Variants in NUP188 observed in about 807,000 individuals in gnomAD.
The protein encoded by NUP188 is nucleoporin NUP188.
A neutral mutation model predicts 223.0 loss-of-function variants in NUP188; 97 were observed. The ratio of observed to expected loss-of-function variants is 0.43; its 90% CI spans 0.37 to 0.51. The LOEUF is 0.51. Ranked by LOEUF, NUP188 falls within the 20% of genes least tolerant of loss-of-function variation. NUP188 has a pLI of 0.00. For synonymous variants in NUP188, 869 were observed against 828.0 expected (o/e 1.05, Z -0.85); for missense variants, 1,947 against 2,175.6 (o/e 0.89, Z 2.09).
At chr9:128,958,928 A>G (rs368126168) in intron 7 of NUP188, 34 bp downstream of exon 7, 314 of 1,453,426 alleles carry the variant, frequency 2.2e-4, no homozygotes, top group Non-Finnish European at 2.7e-4. Context: ...TTCTCTTTAT[A>G]CTGTATCATC....
Position 128,993,389 on chromosome 9 carries a change from A to G in NUP188, c.2833A>G (p.Ser945Gly). The part of the protein sequence containing the change: ...LFLNLEVKDG[S>G]DGSKEFSLGM... ...TCTGAACCTGGAAGTTAAGGATGGC[A>G]GTGATGGCTCAAAGGTAAGCCTGTA... Residue 945 changes from serine to glycine, a missense_variant, in exon 26 of 44, where the codon AGT becomes GGT. By Grantham distance (56) the Ser-to-Gly change is moderately conservative (BLOSUM62 0). This residue lies in a region of NUP188 where 225 missense variants were observed against 319.1 expected (regional missense o/e 0.71). Transcript: ENST00000372577. The G allele has an allele frequency of 6.2e-7, 1 of 1,614,214 alleles. No individual in the cohort carries two copies.
At chr9:129,005,029 A>AAGGGGAGCAGGAGGGAAGGAGGGAGAGG in intron 38 of NUP188, 118 bp from the exon 39 acceptor site, 2 of 719,220 alleles carry the variant, frequency 2.8e-6, no homozygotes, top group South Asian at 1.6e-5. Flanking sequence ...GGAGGGAGAG[A>AAGGGGAGCAGGAGGGAAGGAGGGAGAGG]AGAGCAGCAG....
At chr9:128,981,916 A>G (rs1256750249) in intron 15 of NUP188, among the ~76,000 whole-genome samples, 2 of 152,044 alleles carry the variant, frequency 1.3e-5, no homozygotes, top group African/African-American at 4.8e-5. Context: ...CGTCTCTACT[A>G]AAAATATAAA....
intron 8 of NUP188, among the ~76,000 whole-genome samples, chr9:128,964,953 G>A (rs529111775): frequency 1.8e-3 from 278 of 151,822 alleles, no homozygotes; most frequent in African/African-American, 6.5e-3. Context: ...TCATCCACCC[G>A]TCTCGGCCTC....
intron 8 of NUP188, among the ~76,000 whole-genome samples, chr9:128,966,424 T>C (rs888637972): frequency 2.6e-5 from 4 of 151,940 alleles, no homozygotes; most frequent in Non-Finnish European, 4.4e-5. Context: ...TTGCCCAGGC[T>C]GGAGTTTAGT....
chr9:128,972,243 A>G (rs1178166447), intron 11 of NUP188, among the ~76,000 whole-genome samples: 1 of 152,250 alleles, frequency 6.6e-6, no homozygotes, highest in East Asian at 1.9e-4. Flanking sequence ...GTACATCTAG[A>G]TGATGGAATA....
intron 1 of NUP188, 183 bp downstream of exon 1, chr9:128,947,934 A>C: frequency 2.3e-6 from 1 of 434,456 alleles, no homozygotes; most frequent in Non-Finnish European, 3.9e-6. Flanking sequence ...GGATCTGAAG[A>C]GTCTTCTTCA....
At chr9:129,001,306 G>T (rs979144922) in intron 34 of NUP188, among the ~76,000 whole-genome samples, 1 of 152,078 alleles carries the variant, frequency 6.6e-6, no homozygotes, top group African/African-American at 2.4e-5. Flanking sequence ...GCTCTGGTCA[G>T]TTTAGGGTTG....
chr9:128,970,417 A>G (rs1307183407), intron 10 of NUP188, among the ~76,000 whole-genome samples: 2 of 152,206 alleles, frequency 1.3e-5, no homozygotes, highest in Non-Finnish European at 2.9e-5. Context: ...GGAAAGGGGA[A>G]AAACATTGAG....
rs920366959 is a variant in NUP188 at position 129,006,380 on chromosome 9, T to C, written c.5073+12T>C. ...TCAGCTCTGAGTTGGTACGGATGGA[T>C]AGGGATACGGAGGGCTGGACCAATA... is the stretch of plus-strand genomic sequence containing the variant. On this transcript the variant is annotated intron_variant, in intron 43 of 43. Coordinates refer to ENST00000372577, the MANE Select transcript of NUP188 (RefSeq NM_015354.3). The C allele has an allele frequency of 3.7e-6, 6 of 1,613,980 alleles. No individual in the cohort carries two copies. The South Asian group carries it at 6.6e-5, about 18-fold the overall frequency.
intron 3 of NUP188, among the ~76,000 whole-genome samples, chr9:128,955,633 TTTTTC>T (rs1258654564): frequency 1.8e-3 from 274 of 152,310 alleles, no homozygotes; most frequent in African/African-American, 6.4e-3. Context: ...CTTTTTTCTT[TTTTTC>T]TTTTCTTTTT....
intron 12 of NUP188, among the ~76,000 whole-genome samples, chr9:128,978,626 T>A (rs1842212850): frequency 6.6e-6 from 1 of 151,220 alleles, no homozygotes; most frequent in African/African-American, 2.4e-5. Flanking sequence ...TCTTGCACTC[T>A]AGTCTGGGTG....
At chr9:128,999,113 A>G in intron 32 of NUP188, 59 bp from the exon 33 acceptor site, 1 of 1,510,980 alleles carries the variant, frequency 6.6e-7, no homozygotes, top group Non-Finnish European at 9.2e-7. Context: ...TTGGCCTCCC[A>G]AAGTGCTAGG....
At chr9:128,963,271 C>A (rs1333047848) in intron 8 of NUP188, among the ~76,000 whole-genome samples, 1 of 150,706 alleles carries the variant, frequency 6.6e-6, no homozygotes, top group South Asian at 2.1e-4. Flanking sequence ...ATTGCTGAGT[C>A]GTAAATGTAA....
At chr9:128,962,860 A>T (rs368439293) in intron 8 of NUP188, among the ~76,000 whole-genome samples, 1 of 152,206 alleles carries the variant, frequency 6.6e-6, no homozygotes, top group Non-Finnish European at 1.5e-5. Flanking sequence ...TTGTTTAATT[A>T]TGATTTTTTA....
At chr9:128,966,854 C>G (rs970405579) in intron 8 of NUP188, among the ~76,000 whole-genome samples, 2 of 152,142 alleles carry the variant, frequency 1.3e-5, no homozygotes, top group Non-Finnish European at 2.9e-5. Flanking sequence ...AACCTAAATG[C>G]TCATCCATCC....
chr9:128,994,508 G>T (rs1362494822), intron 28 of NUP188, 66 bp downstream of exon 28: 45 of 1,092,672 alleles, frequency 4.1e-5, no homozygotes, highest in Non-Finnish European at 6.0e-5. Flanking sequence ...TGGGCTGTGA[G>T]ATGGGGCCGT....
At chr9:128,962,546 G>A (rs1841970591) in intron 8 of NUP188, among the ~76,000 whole-genome samples, 1 of 151,984 alleles carries the variant, frequency 6.6e-6, no homozygotes, top group African/African-American at 2.4e-5. Context: ...ACTGTGCCCG[G>A]CACACCATAT....
chr9:128,970,291 A>G (rs1048185398), intron 10 of NUP188, among the ~76,000 whole-genome samples: 2 of 152,132 alleles, frequency 1.3e-5, no homozygotes, highest in African/African-American at 4.8e-5. Flanking sequence ...CATCTATACC[A>G]AGGTGATAAT....
Sources: allele counts gnomAD v4.1 joint callset (sites outside exome capture counted in the v4.1 genomes callset), GRCh38; gene constraint gnomAD v4.1.1; regional missense constraint gnomAD v4.1.1; transcripts MANE v1.5; gene names NCBI Gene and HGNC (gene_info 2026-07-23, HGNC 2026-07-21).